Variants in CEP135 observed in about 807,000 individuals in gnomAD.
CEP135 encodes the protein centrosomal protein of 135 kDa.
A neutral mutation model predicts 157.3 loss-of-function variants in CEP135; 142 were observed. That is an observed-to-expected ratio of 0.90 (90% CI 0.79 to 1.04). The LOEUF is 1.04. CEP135 is among the 50% of genes least tolerant of loss of function. The probability of loss-of-function intolerance (pLI) is 0.00; values close to 1 mark genes in which losing one functional copy is unlikely to be tolerated. For synonymous variants in CEP135, 396 were observed against 439.8 expected, an observed-to-expected ratio of 0.90 and a Z score of 1.25; for missense variants, 1,317 against 1,309.2, an observed-to-expected ratio of 1.01 and a Z score of -0.09.
rs1296151121 is a variant in CEP135 at position 55,953,143 on chromosome 4, G to A, written c.172G>A (p.Glu58Lys). Residue 58 changes from glutamate (E) to lysine (K), a missense_variant, in exon 3 of 26, where the codon GAA (glutamate) becomes AAA (lysine). By Grantham distance (56) the Glu-to-Lys change is moderately conservative. Transcript: ENST00000257287. ...ATCAAAATTATCTGCTGTGAAAGCT[G>A]AAAAAGAAAGTGCCAATTTTGATTT... is the stretch of plus-strand genomic sequence containing the variant. ...RQSKLSAVKA[E>K]KESANFDFVL... 1 of 1,607,048 alleles carries A rather than the reference G, an allele frequency of 6.2e-7. No individual in the cohort carries two copies. Among genetic ancestry groups the A allele is most frequent in the Non-Finnish European group, 8.5e-7 (1 of 1,177,832 alleles).
intron 17 of CEP135, among the ~76,000 whole-genome samples, chr4:56,005,499 G>A (rs982518734): frequency 3.3e-5 from 5 of 151,932 alleles, no homozygotes; most frequent in Admixed American, 1.3e-4. Context: ...TATCTCCCTC[G>A]CATTTTGACT....
intron 25 of CEP135, among the ~76,000 whole-genome samples, chr4:56,025,118 A>G (rs564377564): frequency 6.6e-6 from 1 of 152,194 alleles, no homozygotes; most frequent in African/African-American, 2.4e-5. Flanking sequence ...TGATTGCACT[A>G]TTACAGTCCA....
Position 55,952,113 on chromosome 4 carries a change from CTT to C in CEP135, c.-17_-16del. ...CTTTAATTTTTGGAAGTGAATAAAA[CTT>C]GTTTTAGAAGACGAGATGACTACAG... is the stretch of plus-strand genomic sequence containing the variant. On this transcript the variant is annotated 5_prime_UTR_variant, in exon 2 of 26. Coordinates refer to ENST00000257287, the MANE Select transcript of CEP135 (RefSeq NM_025009.5). The C allele has an allele frequency of 7.3e-7, 1 of 1,377,688 alleles. No homozygotes were observed. Among genetic ancestry groups the C allele is most frequent in the Non-Finnish European group, 1.0e-6 (1 of 980,624 alleles). 85.3% of individuals were successfully genotyped at this position (1,377,688 alleles called of 1,614,324 possible). A position where few individuals can be genotyped will look rare whatever the true frequency, so the allele number is the denominator to read the frequency against.
rs1729023727 is a variant in CEP135, at chr4:55,971,422, T to A, written c.1249+14T>A. ...TTGCAGTTACAGGTAAGATGTCAAA[T>A]TTTGATAGCTAAAGAATGATTGTGA... On this transcript the variant is annotated intron_variant, in intron 10 of 25. Transcript: ENST00000257287. The A allele has an allele frequency of 1.3e-6, 2 of 1,584,462 alleles. No homozygotes were observed. The highest frequency in any genetic ancestry group is 1.7e-6 in the Non-Finnish European group (2 of 1,170,612).
chr4:55,954,296 A>T lies in CEP135; in HGVS notation c.385A>T (p.Lys129Ter). The T allele has an allele frequency of 6.2e-7, 1 of 1,611,940 alleles. No individual in the cohort carries two copies. The highest frequency in any genetic ancestry group is 8.5e-7 in the Non-Finnish European group (1 of 1,179,130). Residue 129 changes from lysine to a stop codon, truncating the protein, a stop_gained, in exon 4 of 26, where the codon AAA becomes TAA. Transcript: ENST00000257287. LOFTEE classifies it high-confidence loss of function. ...FLNNQYAHKLKLLEKESKAKN... is the reference protein window; with the variant it reads ...FLNNQYAHKL ...GAATAACCAATATGCTCATAAACTC[A>T]AACTGTTGGAGAAAGAGAGCAAAGC...
At position 56,006,607 on chromosome 4, in the gene CEP135, G is replaced by A. The variant is rs1730353233; in HGVS notation, c.2281-1720G>A. Among the ~76,000 whole-genome samples, 3 of 152,116 alleles carry A rather than the reference G, an allele frequency of 2.0e-5. No homozygotes were observed. The South Asian group carries it at 6.2e-4, about 31-fold the overall frequency. ...CACTCCAGCCTGGGCGACAGAATGA[G>A]ACCCTGTCTCAAAAAAATATATTAA... On this transcript the variant is annotated intron_variant, in intron 17 of 25. Transcript: ENST00000257287.
At chr4:55,972,211 G>A (rs1435958567) in intron 10 of CEP135, among the ~76,000 whole-genome samples, 1 of 152,160 alleles carries the variant, frequency 6.6e-6, no homozygotes, top group East Asian at 1.9e-4. Flanking sequence ...CACCTCCTGT[G>A]TGGGTGTGTG....
Position 55,981,184 on chromosome 4 carries a change from T to A in CEP135, c.1627-43T>A. ...CCAAAGTATTTTTTATTTATATCTT[T>A]TACTAAAGTGCCTTTTTAATTTATA... On this transcript the variant is annotated intron_variant, in intron 12 of 25. Transcript: ENST00000257287. The A allele has an allele frequency of 2.0e-6, 3 of 1,528,234 alleles. No individual in the cohort carries two copies. The South Asian group carries it at 3.9e-5, about 20-fold the overall frequency. The allele number at this position is 1,528,234 out of a possible 1,614,324, so 94.7% of individuals were successfully genotyped here.
At chr4:55,965,606 C>T in intron 7 of CEP135, 38 bp from the exon 8 acceptor site, 1 of 1,394,140 alleles carries the variant, frequency 7.2e-7, no homozygotes, top group Non-Finnish European at 9.8e-7. Context: ...GGATAATTTT[C>T]CAATTCATAT....
chr4:55,964,256 G>A lies in CEP135; in HGVS notation c.700-18G>A, dbSNP rs1168001846. On this transcript the variant is annotated intron_variant, in intron 6 of 25. Coordinates refer to ENST00000257287, the MANE Select transcript of CEP135 (RefSeq NM_025009.5). Reference sequence around the variant, plus strand: ...GAAAACCAGATTTTTTAAAATGACAGCATGACTATATCTTCAGATTGAGCT... The same window carrying A: ...GAAAACCAGATTTTTTAAAATGACAACATGACTATATCTTCAGATTGAGCT... 1.3e-6 allele frequency: 2 copies of A among 1,587,090 alleles called. No homozygotes were observed. Among genetic ancestry groups the A allele is most frequent in the Non-Finnish European group, 8.5e-7 (1 of 1,170,694 alleles).
At chr4:55,972,165 T>A (rs777152899) in intron 10 of CEP135, among the ~76,000 whole-genome samples, 7 of 152,042 alleles carry the variant, frequency 4.6e-5, no homozygotes, top group Middle Eastern at 3.4e-3. Context: ...AAAAAAAGAA[T>A]TTATTCATTC....
chr4:55,985,440 A>C, intron 14 of CEP135, 82 bp downstream of exon 14: 1 of 516,634 alleles, frequency 1.9e-6, no homozygotes, highest in Non-Finnish European at 3.2e-6. Context: ...CTATTTTTTA[A>C]TTTTAATTTT....
chr4:55,978,596 G>A (rs1320733051), intron 11 of CEP135, among the ~76,000 whole-genome samples: 1 of 152,174 alleles, frequency 6.6e-6, no homozygotes, highest in African/African-American at 2.4e-5. Context: ...TGTCCCTCAG[G>A]CTGGAGTGCA....
At position 56,017,762 on chromosome 4, in the gene CEP135, G is replaced by A; in HGVS notation, c.2917G>A (p.Asp973Asn). The A allele has an allele frequency of 6.2e-7, 1 of 1,613,900 alleles. No homozygotes were observed. The highest frequency in any genetic ancestry group is 8.5e-7 in the Non-Finnish European group (1 of 1,179,994). The change falls in exon 22 of 26, where the codon GAC becomes AAC. Residue 973 changes from aspartate (D) to asparagine (N), a missense_variant. Coordinates refer to ENST00000257287, the MANE Select transcript of CEP135 (RefSeq NM_025009.5). ...QEDEKATVLN[D>N]LSSLRELCIK... ...AGATGAGAAAGCAACAGTATTAAAT[G>A]ACTTGTCATCTCTTAGAGAACTTTG... is the stretch of plus-strand genomic sequence containing the variant.
intron 7 of CEP135, chr4:55,965,413 A>G: frequency 2.6e-6 from 1 of 387,862 alleles, no homozygotes; most frequent in Non-Finnish European, 4.7e-6. Context: ...AAGTTCACAC[A>G]AATTTCTTGT....
chr4:55,986,450 G>A (rs1180635240), intron 14 of CEP135, among the ~76,000 whole-genome samples: 1 of 152,134 alleles, frequency 6.6e-6, no homozygotes, highest in Non-Finnish European at 1.5e-5. Context: ...GCTGAAGTAA[G>A]AGGATCACTG....
At chr4:56,028,344 T>C (rs1731222515) in intron 25 of CEP135, among the ~76,000 whole-genome samples, 2 of 152,216 alleles carry the variant, frequency 1.3e-5, no homozygotes, top group Non-Finnish European at 2.9e-5. Flanking sequence ...CAGCAATGCA[T>C]GAGGGTTCCT....
Position 55,971,408 on chromosome 4 carries a change from G to A in CEP135, c.1249G>A (p.Glu417Lys). ...AAAAGTTGAAAGTTTTGCAGTTACA[G>A]GTAAGATGTCAAATTTTGATAGCTA... Reference protein sequence around the residue: ...SKKVESFAVTERQLTLEVERM... With the variant: ...SKKVESFAVTKRQLTLEVERM... The change falls in exon 10 of 26, where the codon GAA (glutamate) becomes AAA (lysine). Residue 417 changes from glutamate to lysine, a missense_variant and splice_region_variant. Transcript: ENST00000257287. 9 of 1,585,636 alleles carry A rather than the reference G, an allele frequency of 5.7e-6. No homozygotes were observed. Among genetic ancestry groups the A allele is most frequent in the Non-Finnish European group, 7.7e-6 (9 of 1,171,290 alleles).
intron 4 of CEP135, among the ~76,000 whole-genome samples, chr4:55,954,858 G>A (rs1024084675): frequency 4.6e-5 from 7 of 152,154 alleles, no homozygotes; most frequent in Non-Finnish European, 1.0e-4. Context: ...GCTGAAGTGG[G>A]CAGATCATTT....
Sources: gnomAD v4.1 joint callset for allele counts (sites outside exome capture counted in the v4.1 genomes callset) on GRCh38, gnomAD v4.1.1 for gene constraint, MANE v1.5 for transcripts, NCBI Gene and HGNC (gene_info 2026-07-23, HGNC 2026-07-21) for gene names.